The following ATP2A3 variants were observed in gnomAD, a reference collection of about 807,000 sequenced individuals.
ATP2A3 encodes sarcoplasmic/endoplasmic reticulum calcium ATPase 3.
In ATP2A3, 61 loss-of-function variants were observed where a neutral mutation model predicts 106.8. The observed-to-expected ratio is 0.57, with a 90% CI of 0.46 to 0.71. ATP2A3 has a LOEUF of 0.71. Ranked by LOEUF, ATP2A3 falls within the 30% of genes least tolerant of loss-of-function variation. The pLI, the probability that ATP2A3 is intolerant of heterozygous loss-of-function variation, is 0.00. For synonymous variants in ATP2A3, 611 were observed against 609.3 expected (o/e 1.00, Z -0.04); for missense variants, 1,201 against 1,423.5 (o/e 0.84, Z 2.52).
Position 3,929,208 on chromosome 17 carries a change from C to T in ATP2A3, c.2862+120G>A, listed in dbSNP as rs2052898763. On this transcript the variant is annotated intron_variant, in intron 19 of 20. Transcript: ENST00000397041. The surrounding 1 kb of genome is among the most constrained non-coding windows in gnomAD (Gnocchi z 4.3). ...CAGCTGGAGGTGGTGGCTGGCCAGA[C>T]CTCTCACCTCCCTCTCCTCCAGGTA... The T allele has an allele frequency of 2.1e-6, 2 of 953,724 alleles. No individual in the cohort carries two copies. The highest frequency in any genetic ancestry group is 1.6e-5 in the African/African-American group (1 of 60,916). The allele number at this position is 953,724 out of a possible 1,614,324, so 59.1% of individuals were successfully genotyped here. A position where few individuals can be genotyped will look rare whatever the true frequency, so the allele number is the denominator to read the frequency against.
intron 1 of ATP2A3, among the ~76,000 whole-genome samples, chr17:3,958,391 TA>T (rs756746733): frequency 6.6e-6 from 1 of 152,124 alleles, no homozygotes; most frequent in African/African-American, 2.4e-5. Context: ...AGGTGCTCAG[TA>T]AACATATGTG....
Position 3,925,271 on chromosome 17 carries a change from G to C in ATP2A3, c.*151C>G. 3.0e-6 allele frequency: 4 copies of C among 1,326,552 alleles called. No homozygotes were observed. Among genetic ancestry groups the C allele is most frequent in the Non-Finnish European group, 4.2e-6 (4 of 943,944 alleles). 82.2% of individuals were successfully genotyped at this position (1,326,552 alleles called of 1,614,324 possible). ...CAGAGACCCCAGGACGGGGCCCGGG[G>C]ATGGCCATTCTGACCTCGGGCCTGT... is the stretch of plus-strand genomic sequence containing the variant. On this transcript the variant is annotated 3_prime_UTR_variant, in exon 21 of 21. Coordinates refer to ENST00000397041, the MANE Select transcript of ATP2A3 (RefSeq NM_005173.4). The surrounding 1 kb of genome is among the most constrained non-coding windows in gnomAD (Gnocchi z 4.2).
At position 3,964,160 on chromosome 17, in the gene ATP2A3, G is replaced by C; in HGVS notation, c.118+14C>G. ...GGCCCCCGCTCCCCGGCCCGGCCCG[G>C]CCCGCGCGCTCACCGTTGGGGCCGT... On this transcript the variant is annotated intron_variant, in intron 1 of 20. Coordinates refer to ENST00000397041, the MANE Select transcript of ATP2A3 (RefSeq NM_005173.4). The C allele has an allele frequency of 5.2e-6, 6 of 1,145,868 alleles. No individual in the cohort carries two copies. The highest frequency in any genetic ancestry group is 6.4e-6 in the Non-Finnish European group (6 of 931,324). The allele number at this position is 1,145,868 out of a possible 1,614,324, so 71.0% of individuals were successfully genotyped here.
At chr17:3,945,205 G>A in intron 8 of ATP2A3, 57 bp from the exon 9 acceptor site, 1 of 1,506,604 alleles carries the variant, frequency 6.6e-7, no homozygotes, top group Non-Finnish European at 9.0e-7. Flanking sequence ...CTCCCCGGGC[G>A]GCCAGTCGAC....
At chr17:3,950,479 G>T in intron 7 of ATP2A3, 32 bp downstream of exon 7, 1 of 1,600,210 alleles carries the variant, frequency 6.2e-7, no homozygotes, top group South Asian at 1.1e-5. Context: ...TTTTATCATT[G>T]TCTGGGCAAA....
Position 3,941,633 on chromosome 17 carries a change from C to G in ATP2A3, c.1567G>C (p.Glu523Gln), listed in dbSNP as rs755685010. ...CCCACGCGGACTGAGCTACAGCGCT[C>G]GATCACACTCTCAGGAGCCCCCTGC... The part of the protein sequence containing the change: ...FVKGAPESVI[E>Q]RCSSVRVGSR... Residue 523 changes from glutamate to glutamine, a missense_variant, in exon 13 of 21, where the codon GAG (glutamate) becomes CAG (glutamine). Around this residue, in one of 2 missense-constraint regions of ATP2A3, gnomAD observed 935 missense variants for 1,176.7 expected, o/e 0.79. Coordinates refer to ENST00000397041, the MANE Select transcript of ATP2A3 (RefSeq NM_005173.4). The G allele has an allele frequency of 6.2e-7, 1 of 1,609,034 alleles. No individual in the cohort carries two copies. Among genetic ancestry groups the G allele is most frequent in the South Asian group, 1.1e-5 (1 of 91,072 alleles).
chr17:3,941,668 A>T lies in ATP2A3; in HGVS notation c.1546-14T>A. On this transcript the variant is annotated splice_polypyrimidine_tract_variant and intron_variant, in intron 12 of 20. Transcript: ENST00000397041. ...CTCAGGAGCCCCCTGCGAGGTGGGG[A>T]GAGGGAGAAGAGGTAACTCATCAGT... 1 of 1,602,316 alleles carries T rather than the reference A, an allele frequency of 6.2e-7. No homozygotes were observed. Among genetic ancestry groups the T allele is most frequent in the Admixed American group, 1.7e-5 (1 of 59,978 alleles).
intron 11 of ATP2A3, 75 bp from the exon 12 acceptor site, chr17:3,942,806 G>A: frequency 6.3e-7 from 1 of 1,594,980 alleles, no homozygotes. Context: ...CAACTGCTTG[G>A]CCCCAAGAGA....
intron 5 of ATP2A3, 111 bp downstream of exon 5, chr17:3,951,140 T>G: frequency 9.2e-7 from 1 of 1,086,582 alleles, no homozygotes; most frequent in Non-Finnish European, 1.2e-6. Flanking sequence ...GCCACTGCAC[T>G]CCAGTCTGGG....
At chr17:3,950,842 TC>T in intron 5 of ATP2A3, 69 bp from the exon 6 acceptor site, 1 of 1,493,708 alleles carries the variant, frequency 6.7e-7, no homozygotes. Context: ...CCAGAAGGGT[TC>T]CCAGAACCCA....
intron 1 of ATP2A3, among the ~76,000 whole-genome samples, chr17:3,958,811 T>C (rs2054953267): frequency 7.8e-6 from 1 of 127,598 alleles, no homozygotes; most frequent in South Asian, 2.3e-4. Flanking sequence ...TACACACATA[T>C]ATATATACAC....
intron 1 of ATP2A3, among the ~76,000 whole-genome samples, chr17:3,959,497 G>T (rs2055018273): frequency 6.6e-6 from 1 of 152,202 alleles, no homozygotes; most frequent in African/African-American, 2.4e-5. Context: ...AGGGAGAAGG[G>T]GGGTAAGCGA....
At position 3,930,790 on chromosome 17, in the gene ATP2A3, G is replaced by A. The variant is rs1317619934; in HGVS notation, c.2611-356C>T. On this transcript the variant is annotated intron_variant, in intron 17 of 20. Transcript: ENST00000397041. The surrounding 1 kb of genome is among the most constrained non-coding windows in gnomAD (Gnocchi z 5.4). ...AAAATCAACCAACAAAACCATGCGG[G>A]AGTGGAATTCACCTTTGCGGTATAG... 2.0e-5 allele frequency: 8 copies of A among 390,436 alleles called. No homozygotes were observed. The highest frequency in any genetic ancestry group is 3.9e-5 in the Non-Finnish European group (8 of 202,834). The allele number at this position is 390,436 out of a possible 1,614,324, so 24.2% of individuals were successfully genotyped here.
chr17:3,927,815 C>A (rs1299405916), intron 20 of ATP2A3: 2 of 985,272 alleles, frequency 2.0e-6, no homozygotes, highest in African/African-American at 1.7e-5. Context: ...TATTTATAGT[C>A]CCTCCACCCA....
At chr17:3,957,683 C>T (rs951178718) in intron 1 of ATP2A3, among the ~76,000 whole-genome samples, 10 of 152,220 alleles carry the variant, frequency 6.6e-5, no homozygotes, top group Admixed American at 3.9e-4. Flanking sequence ...ATCCCCTACC[C>T]CAGGCATTCC....
At chr17:3,940,043 G>T (rs12950696) in intron 14 of ATP2A3, among the ~76,000 whole-genome samples, 6,455 of 86,994 alleles carry the variant, frequency 0.074, 832 homozygotes, top group African/African-American at 0.26. Context: ...TTTTTTTTTT[G>T]TTTTTTGTTT....
Position 3,943,412 on chromosome 17 carries a change from C to T in ATP2A3, c.1398G>A (p.Glu466=). Residue 466 remains glutamate (E), a synonymous_variant, in exon 11 of 21, where the codon GAG becomes GAA. Transcript: ENST00000397041. ...DTDLQALSRV[E]RAGACNTVIK... Reference sequence around the variant, plus strand: ...TCACCGTGTTACAGGCGCCAGCTCGCTCCACCCGGGACAGAGCCTGCAGGT... The same window carrying T: ...TCACCGTGTTACAGGCGCCAGCTCGTTCCACCCGGGACAGAGCCTGCAGGT... 7.4e-6 allele frequency: 12 copies of T among 1,614,112 alleles called. No homozygotes were observed. The highest frequency in any genetic ancestry group is 1.0e-5 in the Non-Finnish European group (12 of 1,180,008).
At chr17:3,940,050 G>T (rs12950706) in intron 14 of ATP2A3, among the ~76,000 whole-genome samples, 36,358 of 95,576 alleles carry the variant, frequency 0.38, 6,460 homozygotes, top group East Asian at 0.49. Context: ...TTTGTTTTTT[G>T]TTTTTTTTTT....
chr17:3,923,943 T>A lies in ATP2A3; in HGVS notation c.*1479A>T, dbSNP rs1460505176. ...AGCAGGTGGGTACAGGGCCCGCTCC[T>A]GCTAAGACCTCCCCACCTCCCCCCA... On this transcript the variant is annotated 3_prime_UTR_variant, in exon 21 of 21. Transcript: ENST00000397041. 6.6e-6 allele frequency: 1 copy of A among 152,264 alleles called. No homozygotes were observed. Among genetic ancestry groups the A allele is most frequent in the East Asian group, 1.9e-4 (1 of 5,208 alleles). 9.4% of individuals were successfully genotyped at this position (152,264 alleles called of 1,614,324 possible).
Sources: gnomAD v4.1 joint callset for allele counts (sites outside exome capture counted in the v4.1 genomes callset) on GRCh38, gnomAD v4.1.1 for gene constraint, gnomAD v4.1.1 regional missense constraint, Gnocchi (gnomAD v3.1) non-coding constraint, MANE v1.5 for transcripts, NCBI Gene and HGNC (gene_info 2026-07-23, HGNC 2026-07-21) for gene names.